CSMD1: variants seen among roughly 807,000 people sequenced by gnomAD.
The protein encoded by CSMD1 is CUB and sushi domain-containing protein 1.
Under a neutral mutation model 417.5 loss-of-function variants are expected in CSMD1, and 213 were observed. The observed-to-expected ratio is 0.51, with a 90% CI of 0.46 to 0.57. CSMD1 has a LOEUF of 0.57. Among genes scored for constraint, CSMD1 ranks in the 20% least tolerant of loss-of-function variants. CSMD1 has a pLI of 0.00. For synonymous variants in CSMD1, 2,862 were observed against 1,736.8 expected, an observed-to-expected ratio of 1.65 and a Z score of -16.11; for missense variants, 6,923 against 4,529.7, an observed-to-expected ratio of 1.53 and a Z score of -15.17.
chr8:3,375,714 C>A (rs1034822197), intron 18 of CSMD1, among the ~76,000 whole-genome samples: 5 of 152,102 alleles, frequency 3.3e-5, no homozygotes, highest in Non-Finnish European at 7.3e-5. Context: ...GACCAGCCCC[C>A]ATCTCACCCT....
chr8:4,599,202 A>G (rs948779681), intron 2 of CSMD1, among the ~76,000 whole-genome samples: 5 of 152,164 alleles, frequency 3.3e-5, no homozygotes, highest in African/African-American at 1.2e-4. Context: ...AATGACAACA[A>G]AAAGCACAAT....
At chr8:4,123,852 C>T (rs114863716) in intron 3 of CSMD1, among the ~76,000 whole-genome samples, 1 of 152,094 alleles carries the variant, frequency 6.6e-6, no homozygotes, top group Non-Finnish European at 1.5e-5. Context: ...GAACACGGAA[C>T]TTTCAACGAG....
chr8:3,087,422 T>C (rs1436988865), intron 48 of CSMD1, 137 bp from the exon 49 acceptor site: 14 of 873,504 alleles, frequency 1.6e-5, no homozygotes, highest in East Asian at 2.5e-5. Context: ...TGTAAGTTTG[T>C]TCTAAAGAGC....
intron 3 of CSMD1, among the ~76,000 whole-genome samples, chr8:4,034,683 A>G (rs1797525035): frequency 6.6e-6 from 1 of 152,194 alleles, no homozygotes; most frequent in African/African-American, 2.4e-5. Flanking sequence ...GGAGTGATTA[A>G]AAAAAGTAAA....
chr8:3,360,854 CTT>C (rs10707445), intron 20 of CSMD1, among the ~76,000 whole-genome samples: 54 of 143,618 alleles, frequency 3.8e-4, no homozygotes, highest in Admixed American at 4.2e-4. Context: ...TCTGATCCTT[CTT>C]TTTTTTTTTT....
chr8:4,914,944 A>G (rs758944527), intron 1 of CSMD1, among the ~76,000 whole-genome samples: 2 of 152,188 alleles, frequency 1.3e-5, no homozygotes, highest in African/African-American at 4.8e-5. Context: ...AAAGAAAATG[A>G]TGATGATGAT....
intron 25 of CSMD1, among the ~76,000 whole-genome samples, chr8:3,285,594 T>G (rs1352769124): frequency 6.6e-6 from 1 of 151,938 alleles, no homozygotes; most frequent in African/African-American, 2.4e-5. Flanking sequence ...ACATGGGGTT[T>G]CACCAAGTTG....
chr8:4,636,185 T>A (rs1421799680), intron 2 of CSMD1, among the ~76,000 whole-genome samples: 2 of 152,100 alleles, frequency 1.3e-5, no homozygotes, highest in East Asian at 3.9e-4. Context: ...ACATCAGTAA[T>A]CTATATAAGT....
chr8:3,855,382 G>C (rs1322618424), intron 5 of CSMD1, among the ~76,000 whole-genome samples: 1 of 151,566 alleles, frequency 6.6e-6, no homozygotes, highest in African/African-American at 2.4e-5. Flanking sequence ...CTGAACAACA[G>C]AACAAAATAA....
intron 7 of CSMD1, among the ~76,000 whole-genome samples, chr8:3,689,416 G>A (rs1348808471): frequency 6.6e-6 from 1 of 152,210 alleles, no homozygotes; most frequent in South Asian, 2.1e-4. Context: ...GTTTCAGGAA[G>A]AAAGGAAATG....
At chr8:3,287,318 GT>G (rs1188165941) in intron 25 of CSMD1, among the ~76,000 whole-genome samples, 1 of 152,154 alleles carries the variant, frequency 6.6e-6, no homozygotes, top group East Asian at 1.9e-4. Context: ...CTTTAAAGTA[GT>G]TTTTTCTAAT....
rs577872609 is a variant in CSMD1, at chr8:4,104,475, T to G, written c.416-72376A>C. Among the ~76,000 whole-genome samples the G allele has an allele frequency of 5.4e-3, 826 of 152,302 alleles. 7 individuals carry two copies. The highest frequency in any genetic ancestry group is 0.019 in the African/African-American group (792 of 41,578). On this transcript the variant is annotated intron_variant, in intron 3 of 69. Transcript: ENST00000635120. Reference sequence around the variant, plus strand: ...ACAGGATATGTGCACTGAATGTATTTGACTCTATTGAATTTTCTTGCTTTC... The same window carrying G: ...ACAGGATATGTGCACTGAATGTATTGGACTCTATTGAATTTTCTTGCTTTC...
intron 12 of CSMD1, among the ~76,000 whole-genome samples, chr8:3,439,300 TATATA>T (rs1213067251): frequency 0.054 from 3,124 of 57,580 alleles, 157 homozygotes; most frequent in African/African-American, 0.13. Flanking sequence ...TATATATATA[TATATA>T]TATATTTTTT....
intron 3 of CSMD1, among the ~76,000 whole-genome samples, chr8:4,373,439 A>T (rs1802521934): frequency 1.3e-5 from 2 of 152,196 alleles, no homozygotes; most frequent in South Asian, 4.1e-4. Context: ...GGAGTATTTG[A>T]AAACACTGCA....
At chr8:3,326,578 C>G (rs1806548129) in intron 23 of CSMD1, among the ~76,000 whole-genome samples, 1 of 152,218 alleles carries the variant, frequency 6.6e-6, no homozygotes, top group African/African-American at 2.4e-5. Context: ...AAAATAGACA[C>G]ATAAAAGTAA....
At chr8:3,701,712 G>A (rs765063678) in intron 7 of CSMD1, among the ~76,000 whole-genome samples, 3 of 152,078 alleles carry the variant, frequency 2.0e-5, no homozygotes, top group Non-Finnish European at 4.4e-5. Flanking sequence ...ATTTACAAAA[G>A]ACAATCCAAA....
intron 3 of CSMD1, among the ~76,000 whole-genome samples, chr8:4,333,533 G>C (rs756414618): frequency 2.0e-5 from 3 of 152,142 alleles, no homozygotes; most frequent in Admixed American, 1.3e-4. Flanking sequence ...TGCTTAAACA[G>C]TGAAATCATC....
chr8:4,896,272 C>T lies in CSMD1; in HGVS notation c.85+98060G>A, dbSNP rs149561597. 1.5e-3 allele frequency among the ~76,000 whole-genome samples: 235 copies of T among 152,126 alleles called. 3 individuals carry two copies. Among genetic ancestry groups the T allele is most frequent in the African/African-American group, 5.6e-3 (231 of 41,442 alleles). ...TCCAGTCCGTCTCTATATGCTTTTC[C>T]CTAGCATATCGCTAATTATGGGTCT... On this transcript the variant is annotated intron_variant, in intron 1 of 69. Coordinates refer to ENST00000635120, the MANE Select transcript of CSMD1 (RefSeq NM_033225.6).
intron 10 of CSMD1, among the ~76,000 whole-genome samples, chr8:3,494,966 C>G (rs768359914): frequency 1.3e-5 from 2 of 152,162 alleles, no homozygotes; most frequent in Non-Finnish European, 2.9e-5. Context: ...AGGCTCTAAA[C>G]AGGTGCTTTT....
Sources: allele counts gnomAD v4.1 joint callset (sites outside exome capture counted in the v4.1 genomes callset), GRCh38; gene constraint gnomAD v4.1.1; transcripts MANE v1.5; gene names NCBI Gene and HGNC (gene_info 2026-07-23, HGNC 2026-07-21).